SPATS2: variants seen among roughly 807,000 people sequenced by gnomAD.
SPATS2 encodes the protein spermatogenesis-associated serine-rich protein 2.
A neutral mutation model predicts 63.7 loss-of-function variants in SPATS2; 38 were observed. The ratio of observed to expected loss-of-function variants is 0.60; its 90% CI spans 0.46 to 0.78. The LOEUF (loss-of-function observed/expected upper bound fraction) is 0.78. SPATS2 is among the 30% of genes least tolerant of loss of function. The probability of loss-of-function intolerance (pLI) is 0.00; values close to 1 mark genes in which losing one functional copy is unlikely to be tolerated. For synonymous variants in SPATS2, 207 were observed against 232.9 expected (o/e 0.89, Z 1.01); for missense variants, 588 against 666.2 (o/e 0.88, Z 1.29).
At chr12:49,489,023 ATTATCT>A (rs1849704927) in intron 4 of SPATS2, among the ~76,000 whole-genome samples, 1 of 152,182 alleles carries the variant, frequency 6.6e-6, no homozygotes, top group African/African-American at 2.4e-5. Flanking sequence ...GTTTGTATAA[ATTATCT>A]TTATTTTACA....
chr12:49,494,618 C>A, intron 6 of SPATS2, 123 bp from the exon 7 acceptor site: 1 of 982,478 alleles, frequency 1.0e-6, no homozygotes, highest in South Asian at 2.2e-5. Context: ...TATTAAATTT[C>A]TGAAAGAACA....
At chr12:49,484,470 A>G in intron 3 of SPATS2, 120 bp from the exon 4 acceptor site, 1 of 850,376 alleles carries the variant, frequency 1.2e-6, no homozygotes, top group Non-Finnish European at 1.8e-6. Flanking sequence ...AATTTGCCAA[A>G]TAGCAACTAA....
chr12:49,432,347 C>T (rs556714186), intron 2 of SPATS2, among the ~76,000 whole-genome samples: 7 of 152,312 alleles, frequency 4.6e-5, no homozygotes, highest in African/African-American at 1.7e-4. Flanking sequence ...TGGCAGGCGC[C>T]TGTAGTCCCA....
intron 2 of SPATS2, among the ~76,000 whole-genome samples, chr12:49,423,824 G>A (rs1945025474): frequency 6.6e-6 from 1 of 152,102 alleles, no homozygotes; most frequent in Non-Finnish European, 1.5e-5. Flanking sequence ...ATCAGAGTCA[G>A]GGAAGGCATT....
At chr12:49,472,844 A>C (rs1946059447) in intron 3 of SPATS2, among the ~76,000 whole-genome samples, 1 of 150,714 alleles carries the variant, frequency 6.6e-6, no homozygotes, top group Non-Finnish European at 1.5e-5. Flanking sequence ...GTTCGAGACC[A>C]GCCTGGGCAA....
At chr12:49,513,937 A>C (rs1388930942) in intron 9 of SPATS2, among the ~76,000 whole-genome samples, 1 of 152,148 alleles carries the variant, frequency 6.6e-6, no homozygotes, top group East Asian at 1.9e-4. Context: ...CGGGCGGATC[A>C]CGAGGTCAGG....
chr12:49,399,674 G>A (rs569255076), intron 2 of SPATS2, among the ~76,000 whole-genome samples: 1 of 152,312 alleles, frequency 6.6e-6, no homozygotes, highest in Admixed American at 6.5e-5. Context: ...TAGTGCCCCA[G>A]GTGCTTGAAA....
chr12:49,456,949 A>G, intron 2 of SPATS2, among the ~76,000 whole-genome samples: 1 of 151,892 alleles, frequency 6.6e-6, no homozygotes, highest in Non-Finnish European at 1.5e-5. Context: ...GGTTTGCTTC[A>G]TTGCATTCAT....
At chr12:49,463,002 A>T (rs2137690090) in intron 3 of SPATS2, 1 of 152,434 alleles carries the variant, frequency 6.6e-6, no homozygotes, top group South Asian at 2.1e-4. Flanking sequence ...TTAACCGGTG[A>T]CCCACCCTTT....
At chr12:49,456,539 G>A (rs1945722164) in intron 2 of SPATS2, among the ~76,000 whole-genome samples, 1 of 152,214 alleles carries the variant, frequency 6.6e-6, no homozygotes, top group Non-Finnish European at 1.5e-5. Context: ...TTCAGCAGCA[G>A]AAGTGGGACA....
Position 49,490,665 on chromosome 12 carries a change from A to C in SPATS2, c.215-17A>C, listed in dbSNP as rs1284491492. ...TGTGTGGTAGGAGACAAAATCTGTAATTGGTTTCTCTTACAGGTAGTGCCA... is the reference window on the plus strand; with the variant it reads ...TGTGTGGTAGGAGACAAAATCTGTACTTGGTTTCTCTTACAGGTAGTGCCA... On this transcript the variant is annotated splice_polypyrimidine_tract_variant and intron_variant, in intron 5 of 13. Transcript: ENST00000552918. 6.2e-7 allele frequency: 1 copy of C among 1,613,500 alleles called. No homozygotes were observed. Among genetic ancestry groups the C allele is most frequent in the African/African-American group, 1.3e-5 (1 of 75,028 alleles).
chr12:49,507,317 T>G (rs984397603), intron 9 of SPATS2, among the ~76,000 whole-genome samples: 1 of 152,150 alleles, frequency 6.6e-6, no homozygotes, highest in Non-Finnish European at 1.5e-5. Context: ...GCATGGTATT[T>G]ACACTGGCGG....
intron 3 of SPATS2, among the ~76,000 whole-genome samples, chr12:49,477,843 T>G (rs1946143654): frequency 6.6e-6 from 1 of 152,154 alleles, no homozygotes; most frequent in South Asian, 2.1e-4. Context: ...CATAAATATT[T>G]TATTTCCTAC....
chr12:49,373,180 G>C (rs1458689458), intron 2 of SPATS2, among the ~76,000 whole-genome samples: 2 of 152,098 alleles, frequency 1.3e-5, no homozygotes, highest in Admixed American at 1.3e-4. Context: ...CTTCATGTTG[G>C]TCAGGCTGGA....
chr12:49,525,883 G>T (rs1947024165), intron 13 of SPATS2, 61 bp from the exon 14 acceptor site: 5 of 1,550,044 alleles, frequency 3.2e-6, no homozygotes, highest in Admixed American at 1.9e-5. Context: ...CTCCTGTAAA[G>T]TGAACGAATG....
chr12:49,450,108 A>G (rs1376607708), intron 2 of SPATS2, among the ~76,000 whole-genome samples: 1 of 151,796 alleles, frequency 6.6e-6, no homozygotes, highest in East Asian at 1.9e-4. Context: ...TGCATGATAT[A>G]TCTTTTTTCA....
In SPATS2 at chr12:49,526,370, T is replaced by C. The variant is rs1359096281; in HGVS notation, c.*115T>C. ...AAAGAAGTTTATGCGTATCACTTTT[T>C]GTGCCATTCTAAGTATTTTTGGTTT... On this transcript the variant is annotated 3_prime_UTR_variant, in exon 14 of 14. Transcript: ENST00000552918. 1 of 1,267,466 alleles carries C rather than the reference T, an allele frequency of 7.9e-7. No homozygotes were observed. The highest frequency in any genetic ancestry group is 2.6e-5 in the East Asian group (1 of 38,782). The allele number at this position is 1,267,466 out of a possible 1,614,324, so 78.5% of individuals were successfully genotyped here.
intron 2 of SPATS2, among the ~76,000 whole-genome samples, chr12:49,458,422 C>T (rs1356356412): frequency 6.6e-6 from 1 of 151,922 alleles, no homozygotes; most frequent in African/African-American, 2.4e-5. Flanking sequence ...GAGCCAAGAT[C>T]GCGCCATTGC....
At chr12:49,439,496 C>A (rs755624734) in intron 2 of SPATS2, among the ~76,000 whole-genome samples, 4 of 152,110 alleles carry the variant, frequency 2.6e-5, no homozygotes, top group Non-Finnish European at 5.9e-5. Flanking sequence ...AGTGGAATGG[C>A]GAGAAGCAGT....
Sources: allele counts gnomAD v4.1 joint callset (sites outside exome capture counted in the v4.1 genomes callset), GRCh38; gene constraint gnomAD v4.1.1; transcripts MANE v1.5; gene names NCBI Gene and HGNC (gene_info 2026-07-23, HGNC 2026-07-21).